The following RAB38 variants were observed in gnomAD, a reference collection of about 807,000 sequenced individuals.
RAB38 encodes the protein RAB38, member RAS oncogene family.
Under a neutral mutation model 18.4 loss-of-function variants are expected in RAB38, and 15 were observed. The ratio of observed to expected loss-of-function variants is 0.82; its 90% confidence interval spans 0.55 to 1.26. RAB38 has a LOEUF of 1.26. RAB38 is among the 50% of genes most tolerant of loss of function. The pLI, the probability that RAB38 is intolerant of heterozygous loss-of-function variation, is 0.00. For synonymous variants in RAB38, 101 were observed against 104.4 expected, an observed-to-expected ratio of 0.97 and a Z score of 0.20; for missense variants, 294 against 267.4, an observed-to-expected ratio of 1.10 and a Z score of -0.69.
chr11:88,169,794 A>G (rs955713394), intron 1 of RAB38, among the ~76,000 whole-genome samples: 5 of 152,208 alleles, frequency 3.3e-5, no homozygotes, highest in African/African-American at 1.2e-4. Context: ...TCTCTGCACC[A>G]TGAGAGTGTT....
chr11:88,099,930 T>C, the RAB38 span: 4 of 151,882 alleles, frequency 2.6e-5, no homozygotes, highest in Non-Finnish European at 5.9e-5. Context: ...GGTTATCTCA[T>C]TTAACCTGTT....
chr11:87,841,949 C>CT, the RAB38 span, among the ~76,000 whole-genome samples: 1 of 152,072 alleles, frequency 6.6e-6, no homozygotes, highest in East Asian at 1.9e-4. Flanking sequence ...TGAGTGTTAT[C>CT]TTTTTCTTCC....
chr11:88,109,596 G>A (rs1374884029), downstream of RAB38, among the ~76,000 whole-genome samples: 1 of 152,138 alleles, frequency 6.6e-6, no homozygotes, highest in Non-Finnish European at 1.5e-5. Context: ...CCTACAGAAT[G>A]GGAGTAAATT....
chr11:87,803,899 T>C, the RAB38 span, among the ~76,000 whole-genome samples: 1 of 152,226 alleles, frequency 6.6e-6, no homozygotes, highest in Non-Finnish European at 1.5e-5. Flanking sequence ...AGAATAACTT[T>C]CTGTGGCCCA....
the RAB38 span, among the ~76,000 whole-genome samples, chr11:88,090,117 G>A: frequency 3.3e-5 from 5 of 151,916 alleles, no homozygotes; most frequent in Non-Finnish European, 5.9e-5. Context: ...ATAAAAGCCT[G>A]AACACAAGGG....
the RAB38 span, among the ~76,000 whole-genome samples, chr11:87,967,477 TA>T: frequency 6.6e-6 from 1 of 152,172 alleles, no homozygotes; most frequent in African/African-American, 2.4e-5. Flanking sequence ...TTCATGAAAG[TA>T]AAAAAACAAG....
the RAB38 span, among the ~76,000 whole-genome samples, chr11:88,031,982 C>G: frequency 2.0e-5 from 3 of 150,850 alleles, no homozygotes; most frequent in African/African-American, 7.3e-5. Flanking sequence ...TCAAACTATA[C>G]TACAAGGCTA....
chr11:88,060,296 A>T, the RAB38 span: 3 of 152,196 alleles, frequency 2.0e-5, no homozygotes, highest in East Asian at 5.8e-4. Context: ...TCTTGCTTGC[A>T]TCTATCTCTC....
chr11:87,944,300 G>A, the RAB38 span, among the ~76,000 whole-genome samples: 1 of 152,102 alleles, frequency 6.6e-6, no homozygotes, highest in Non-Finnish European at 1.5e-5. Flanking sequence ...AGCATTATCT[G>A]CAAAGCCCAA....
chr11:87,911,962 G>T, the RAB38 span, among the ~76,000 whole-genome samples: 2 of 151,750 alleles, frequency 1.3e-5, no homozygotes, highest in Non-Finnish European at 2.9e-5. Context: ...TATATTTATT[G>T]AGATGATCTT....
chr11:88,147,301 A>C (rs555357661), intron 2 of RAB38, among the ~76,000 whole-genome samples: 24 of 152,198 alleles, frequency 1.6e-4, no homozygotes, highest in Non-Finnish European at 2.6e-4. Context: ...TATTGACTGA[A>C]TGAATGAATG....
the RAB38 span, among the ~76,000 whole-genome samples, chr11:87,820,701 G>A: frequency 6.6e-6 from 1 of 152,012 alleles, no homozygotes; most frequent in Non-Finnish European, 1.5e-5. Flanking sequence ...CAGCATTAAA[G>A]AACAGCAAAC....
intron 2 of RAB38, among the ~76,000 whole-genome samples, chr11:88,120,375 T>C (rs1419760393): frequency 1.3e-5 from 2 of 152,170 alleles, no homozygotes; most frequent in Non-Finnish European, 2.9e-5. Context: ...TACATTTTCT[T>C]AGTGTCCAAG....
At chr11:87,833,019 A>G in the RAB38 span, among the ~76,000 whole-genome samples, 1 of 152,098 alleles carries the variant, frequency 6.6e-6, no homozygotes, top group African/African-American at 2.4e-5. Flanking sequence ...GTTACCATAG[A>G]CCCAATTAGT....
intron 2 of RAB38, among the ~76,000 whole-genome samples, chr11:88,141,809 A>G (rs1469966152): frequency 6.6e-6 from 1 of 152,066 alleles, no homozygotes; most frequent in Admixed American, 6.5e-5. Context: ...TGCCTAGAAT[A>G]CCTTTCTCCT....
At chr11:87,951,725 C>T in the RAB38 span, among the ~76,000 whole-genome samples, 111 of 151,950 alleles carry the variant, frequency 7.3e-4, no homozygotes, top group African/African-American at 2.5e-3. Flanking sequence ...ATTGGTGAAC[C>T]GCAAATGCTG....
At chr11:88,079,776 A>T in the RAB38 span, among the ~76,000 whole-genome samples, 1 of 151,806 alleles carries the variant, frequency 6.6e-6, no homozygotes, top group South Asian at 2.1e-4. Flanking sequence ...CCACATAAAC[A>T]TCATAAAAAA....
the RAB38 span, among the ~76,000 whole-genome samples, chr11:88,064,464 G>A: frequency 1.2e-4 from 18 of 152,128 alleles, no homozygotes; most frequent in East Asian, 3.8e-4. Flanking sequence ...CCACACAATC[G>A]CAAGTGAAGT....
chr11:87,916,114 G>A, the RAB38 span, among the ~76,000 whole-genome samples: 1 of 152,088 alleles, frequency 6.6e-6, no homozygotes, highest in African/African-American at 2.4e-5. Context: ...TCTCAGATGG[G>A]ACTGATTTTG....
Sources: allele counts gnomAD v4.1 joint callset (sites outside exome capture counted in the v4.1 genomes callset), GRCh38; gene constraint gnomAD v4.1.1; transcripts MANE v1.5; gene names NCBI Gene and HGNC (gene_info 2026-07-23, HGNC 2026-07-21).